KIAA1328: variants seen among roughly 807,000 people sequenced by gnomAD.
The protein encoded by KIAA1328 is KIAA1328.
In KIAA1328, 52 loss-of-function variants were observed where a neutral mutation model predicts 68.1. That is an observed-to-expected ratio of 0.76 (90% CI 0.61 to 0.96). KIAA1328 has a LOEUF of 0.96. KIAA1328 is among the 40% of genes least tolerant of loss of function. KIAA1328 has a pLI of 0.00. For synonymous variants in KIAA1328, 232 were observed against 239.4 expected (o/e 0.97, Z 0.28); for missense variants, 641 against 677.6 (o/e 0.95, Z 0.60).
intron 9 of KIAA1328, among the ~76,000 whole-genome samples, chr18:37,186,724 G>C (rs761563478): frequency 2.6e-4 from 39 of 152,136 alleles, no homozygotes; most frequent in Non-Finnish European, 4.1e-4. Flanking sequence ...CCTAACGAAA[G>C]AAAGAATGAC....
chr18:37,226,102 T>C (rs9955620), downstream of KIAA1328, among the ~76,000 whole-genome samples: 3,541 of 152,162 alleles, frequency 0.023, 134 homozygotes, highest in African/African-American at 0.081. Context: ...CCACTGTGGT[T>C]CTCTCTTTCC....
At chr18:37,076,741 G>C (rs2056752019) in intron 7 of KIAA1328, among the ~76,000 whole-genome samples, 1 of 151,972 alleles carries the variant, frequency 6.6e-6, no homozygotes, top group Non-Finnish European at 1.5e-5. Flanking sequence ...TAGAAGAAAT[G>C]GATAAATTCC....
chr18:37,029,089 A>T (rs1012169348), intron 6 of KIAA1328, among the ~76,000 whole-genome samples: 1 of 152,072 alleles, frequency 6.6e-6, no homozygotes, highest in Non-Finnish European at 1.5e-5. Flanking sequence ...TTTCAGTAGG[A>T]TTGGTACCAG....
At chr18:36,829,440 G>C (rs895514431) in intron 1 of KIAA1328, 2 of 1,310,450 alleles carry the variant, frequency 1.5e-6, no homozygotes, top group Non-Finnish European at 1.9e-6. Context: ...CTCACTACCG[G>C]TGAGCTCGAG....
At chr18:37,171,566 C>T (rs530736963) in intron 8 of KIAA1328, among the ~76,000 whole-genome samples, 37 of 152,220 alleles carry the variant, frequency 2.4e-4, no homozygotes, top group African/African-American at 8.4e-4. Flanking sequence ...CTCATACCTT[C>T]CTTTCCCTCC....
At chr18:36,883,374 A>C (rs1965966438) in intron 4 of KIAA1328, among the ~76,000 whole-genome samples, 1 of 152,186 alleles carries the variant, frequency 6.6e-6, no homozygotes, top group Non-Finnish European at 1.5e-5. Flanking sequence ...GTGTACCTCC[A>C]CAAGGGAAAA....
chr18:37,025,447 T>C (rs1273041114), intron 6 of KIAA1328, among the ~76,000 whole-genome samples: 3 of 152,150 alleles, frequency 2.0e-5, no homozygotes, highest in Non-Finnish European at 4.4e-5. Context: ...ATTGCACTTA[T>C]TCCAAAATTG....
At chr18:36,941,888 T>C (rs1295124442) in intron 5 of KIAA1328, among the ~76,000 whole-genome samples, 3 of 151,726 alleles carry the variant, frequency 2.0e-5, no homozygotes, top group Non-Finnish European at 4.4e-5. Context: ...GGTTTAGAAG[T>C]ACAACAATAA....
At chr18:37,154,554 A>G (rs934981659) in intron 7 of KIAA1328, among the ~76,000 whole-genome samples, 2 of 151,808 alleles carry the variant, frequency 1.3e-5, no homozygotes, top group African/African-American at 4.8e-5. Context: ...CTCCCCCATA[A>G]CTCCTACCAT....
chr18:37,197,861 G>T (rs578035688), intron 9 of KIAA1328, among the ~76,000 whole-genome samples: 112 of 152,188 alleles, frequency 7.4e-4, no homozygotes, highest in African/African-American at 2.2e-3. Context: ...CTACCCAAGA[G>T]AAATGAAAAT....
chr18:36,870,351 GA>G (rs1344678700), intron 4 of KIAA1328, among the ~76,000 whole-genome samples: 3 of 152,078 alleles, frequency 2.0e-5, no homozygotes, highest in African/African-American at 7.2e-5. Context: ...ACCCTTGAGT[GA>G]TATTTTACGT....
chr18:37,228,984 A>G (rs2060652932), downstream of KIAA1328, among the ~76,000 whole-genome samples: 1 of 152,220 alleles, frequency 6.6e-6, no homozygotes, highest in African/African-American at 2.4e-5. Flanking sequence ...GTGTGAACAT[A>G]ACTTTTATAT....
chr18:37,068,959 A>G (rs577160625), intron 7 of KIAA1328, among the ~76,000 whole-genome samples: 1 of 152,160 alleles, frequency 6.6e-6, no homozygotes, highest in East Asian at 1.9e-4. Context: ...GAGATCTTTC[A>G]TAGAGCAGAA....
chr18:37,141,546 G>A (rs1204302046), intron 7 of KIAA1328, among the ~76,000 whole-genome samples: 1 of 152,174 alleles, frequency 6.6e-6, no homozygotes, highest in Non-Finnish European at 1.5e-5. Flanking sequence ...AAAGACAACT[G>A]AGCTGCTGTG....
intron 9 of KIAA1328, among the ~76,000 whole-genome samples, chr18:37,174,913 C>G (rs1314569761): frequency 6.6e-6 from 1 of 152,104 alleles, no homozygotes; most frequent in Admixed American, 6.6e-5. Context: ...CCTCATGATC[C>G]GCCCGCCTTG....
At chr18:36,992,079 C>T (rs946506110) in intron 6 of KIAA1328, among the ~76,000 whole-genome samples, 1 of 152,138 alleles carries the variant, frequency 6.6e-6, no homozygotes, top group Non-Finnish European at 1.5e-5. Flanking sequence ...AATGTCTTTT[C>T]AAGTTTTTGC....
chr18:36,847,483 T>C (rs1395948371), intron 4 of KIAA1328, among the ~76,000 whole-genome samples: 1 of 151,446 alleles, frequency 6.6e-6, no homozygotes, highest in African/African-American at 2.4e-5. Context: ...ATAATTAGTG[T>C]TTACCGGTGA....
chr18:36,854,677 A>G (rs1329441242), intron 4 of KIAA1328, among the ~76,000 whole-genome samples: 3 of 152,146 alleles, frequency 2.0e-5, no homozygotes, highest in Non-Finnish European at 4.4e-5. Flanking sequence ...TTAAGTTCAC[A>G]TAATGTTAAA....
chr18:37,167,568 G>C (rs553497477), intron 8 of KIAA1328, among the ~76,000 whole-genome samples: 1 of 151,992 alleles, frequency 6.6e-6, no homozygotes, highest in Non-Finnish European at 1.5e-5. Flanking sequence ...TCGTTCCACC[G>C]GTCAATGGCC....
Sources: allele counts gnomAD v4.1 joint callset (sites outside exome capture counted in the v4.1 genomes callset), GRCh38; gene constraint gnomAD v4.1.1; transcripts MANE v1.5; gene names NCBI Gene and HGNC (gene_info 2026-07-23, HGNC 2026-07-21).